The following SPG11 variants were observed in gnomAD, a reference collection of about 807,000 sequenced individuals.
The protein encoded by SPG11 is spatacsin.
In SPG11, 222 loss-of-function variants were observed where a neutral mutation model predicts 274.0. The observed-to-expected ratio is 0.81, with a 90% CI of 0.73 to 0.91. The LOEUF (loss-of-function observed/expected upper bound fraction) is 0.91, where lower values mean the gene tolerates loss of function less well. Among genes scored for constraint, SPG11 ranks in the 40% least tolerant of loss-of-function variants. The pLI is 0.00. For missense variants in SPG11, 3,114 were observed against 2,872.7 expected (o/e 1.08, Z -1.92); for synonymous variants, 1,144 against 1,039.7 (o/e 1.10, Z -1.93).
chr15:44,571,066 T>C (rs1254922862), intron 33 of SPG11, among the ~76,000 whole-genome samples: 3 of 152,204 alleles, frequency 2.0e-5, no homozygotes, highest in African/African-American at 7.2e-5. Flanking sequence ...TTTGGTGTTC[T>C]GGCTTTCTAG....
intron 4 of SPG11, among the ~76,000 whole-genome samples, chr15:44,654,631 T>C (rs1293154522): frequency 6.6e-6 from 1 of 152,032 alleles, no homozygotes; most frequent in Admixed American, 6.6e-5. Context: ...TCTGAGGTCA[T>C]AAGTTCAAAA....
chr15:44,656,253 T>C (rs1463072179), intron 4 of SPG11, among the ~76,000 whole-genome samples: 3 of 152,246 alleles, frequency 2.0e-5, no homozygotes, highest in Non-Finnish European at 2.9e-5. Flanking sequence ...GTACTAAGTG[T>C]GAACCTAGAG....
At chr15:44,655,330 C>T (rs144870287) in intron 4 of SPG11, among the ~76,000 whole-genome samples, 7 of 152,222 alleles carry the variant, frequency 4.6e-5, no homozygotes, top group East Asian at 3.9e-4. Flanking sequence ...CATCATGTTT[C>T]GTGCCATACC....
intron 28 of SPG11, 65 bp downstream of exon 28, chr15:44,589,187 A>T (rs1595850569): frequency 6.4e-7 from 1 of 1,555,284 alleles, no homozygotes; most frequent in Non-Finnish European, 8.8e-7. Context: ...CTACCCCTCT[A>T]AAGTATTTTC....
At chr15:44,639,701 C>CA (rs977830175) in intron 7 of SPG11, among the ~76,000 whole-genome samples, 94 of 142,088 alleles carry the variant, frequency 6.6e-4, no homozygotes, top group Admixed American at 1.1e-3. Flanking sequence ...GACCTGGTCT[C>CA]AAAAAAAAAA....
chr15:44,592,674 G>A (rs1370390351), intron 26 of SPG11, among the ~76,000 whole-genome samples: 1 of 151,912 alleles, frequency 6.6e-6, no homozygotes, highest in Non-Finnish European at 1.5e-5. Context: ...TAAAAAAGTA[G>A]CCAGGCATGG....
rs1313834150 is a variant in SPG11, at chr15:44,608,533, G to C, written c.3364C>G (p.Pro1122Ala). The C allele has an allele frequency of 6.2e-7, 1 of 1,613,986 alleles. No homozygotes were observed. The highest frequency in any genetic ancestry group is 8.5e-7 in the Non-Finnish European group (1 of 1,180,010). The change falls in exon 19 of 40, where the codon CCT becomes GCT. Residue 1122 changes from proline to alanine, a missense_variant. Transcript: ENST00000261866. ...DPQLLKMALT[P>A]YPKLKTALFP... ...AGAGCAGTTTTTAGCTTGGGGTAAGGAGTTAATGCCATCTTCAATAGCTGG... is the reference window on the plus strand; with the variant it reads ...AGAGCAGTTTTTAGCTTGGGGTAAGCAGTTAATGCCATCTTCAATAGCTGG...
chr15:44,567,602 A>G lies in SPG11; in HGVS notation c.6586-10T>C, dbSNP rs749619214. Reference sequence around the variant, plus strand: ...TTTTCAGGGTACCACTCTGCCCAGAATAAAAGGGAAAAAGCAAGGTGTCAG... The same window carrying G: ...TTTTCAGGGTACCACTCTGCCCAGAGTAAAAGGGAAAAAGCAAGGTGTCAG... On this transcript the variant is annotated splice_polypyrimidine_tract_variant and intron_variant, in intron 35 of 39. Coordinates refer to ENST00000261866, the MANE Select transcript of SPG11 (RefSeq NM_025137.4). The G allele has an allele frequency of 6.2e-7, 1 of 1,613,988 alleles. No individual in the cohort carries two copies.
chr15:44,610,657 A>C (rs924460805), intron 18 of SPG11, among the ~76,000 whole-genome samples, 183 bp downstream of exon 18: 1 of 152,094 alleles, frequency 6.6e-6, no homozygotes, highest in Admixed American at 6.6e-5. Flanking sequence ...GGATTACAGG[A>C]GTGAGCCACT....
At chr15:44,656,999 AAC>A in intron 4 of SPG11, 94 bp downstream of exon 4, 1 of 1,045,516 alleles carries the variant, frequency 9.6e-7, no homozygotes, top group Non-Finnish European at 1.4e-6. Context: ...TAGAAAAAGA[AAC>A]ACTAGTTAAA....
chr15:44,626,389 A>G lies in SPG11; in HGVS notation c.2186T>C (p.Val729Ala). 1 of 1,613,712 alleles carries G rather than the reference A, an allele frequency of 6.2e-7. No homozygotes were observed. The highest frequency in any genetic ancestry group is 8.5e-7 in the Non-Finnish European group (1 of 1,179,904). The change falls in exon 11 of 40, where the codon GTC becomes GCC. Residue 729 changes from valine to alanine, a missense_variant. By Grantham distance (64) the Val-to-Ala change is moderately conservative. Coordinates refer to ENST00000261866, the MANE Select transcript of SPG11 (RefSeq NM_025137.4). ...ATTGTTCTTTTTTAAATTGTCAAAGACCAAATTTAGGCCTATGCCAATAAG... is the reference window on the plus strand; with the variant it reads ...ATTGTTCTTTTTTAAATTGTCAAAGGCCAAATTTAGGCCTATGCCAATAAG... ...EELIGIGLNL[V>A]FDNLKKNNIK... is the part of the protein sequence containing the mutation.
At chr15:44,600,667 A>G (rs761098747) in intron 20 of SPG11, 35 bp from the exon 21 acceptor site, 4 of 1,600,478 alleles carry the variant, frequency 2.5e-6, no homozygotes, top group Admixed American at 3.3e-5. Flanking sequence ...AATTATCTGT[A>G]TATCACCATA....
chr15:44,572,630 CTT>C, intron 33 of SPG11, 51 bp downstream of exon 33: 1 of 1,606,250 alleles, frequency 6.2e-7, no homozygotes, highest in Non-Finnish European at 8.5e-7. Flanking sequence ...ACTGGGAGAC[CTT>C]TTGAGACCTG....
At chr15:44,635,355 G>A (rs1177190718) in intron 7 of SPG11, among the ~76,000 whole-genome samples, 4 of 151,772 alleles carry the variant, frequency 2.6e-5, no homozygotes, top group African/African-American at 4.8e-5. Flanking sequence ...CGAGAAGACT[G>A]CTTGAGCCCA....
intron 34 of SPG11, 57 bp downstream of exon 34, chr15:44,570,468 T>C: frequency 6.2e-7 from 1 of 1,611,478 alleles, no homozygotes. Context: ...TCCCACCCTT[T>C]CTACTACTCT....
At position 44,622,322 on chromosome 15, in the gene SPG11, T is replaced by C; in HGVS notation, c.2342A>G (p.Tyr781Cys). ...FLVEILKEKNYFSEKEKRTID... is the reference protein window; with the variant it reads ...FLVEILKEKNCFSEKEKRTID... The stretch of plus-strand genomic sequence containing the variant: ...AGTTCTTTTCTCTTTTTCAGAAAAA[T>C]AATTTTTTTCTTTTAAAATTTCAAC... Residue 781 changes from tyrosine to cysteine, a missense_variant, in exon 13 of 40, where the codon TAT becomes TGT. Tyr to Cys is a radical substitution (Grantham distance 194, BLOSUM62 -2). Transcript: ENST00000261866. 1.3e-6 allele frequency: 2 copies of C among 1,556,696 alleles called. No individual in the cohort carries two copies. Among genetic ancestry groups the C allele is most frequent in the Non-Finnish European group, 1.8e-6 (2 of 1,137,364 alleles).
At chr15:44,607,333 G>A (rs868321577) in intron 19 of SPG11, among the ~76,000 whole-genome samples, 2 of 152,176 alleles carry the variant, frequency 1.3e-5, no homozygotes, top group Non-Finnish European at 2.9e-5. Flanking sequence ...CCAGGCTAGA[G>A]TGCAATGGTG....
intron 7 of SPG11, 137 bp downstream of exon 7, chr15:44,648,729 G>C: frequency 1.0e-6 from 1 of 1,000,076 alleles, no homozygotes; most frequent in Non-Finnish European, 1.6e-6. Flanking sequence ...GAAACAGCCA[G>C]AACTGTTTAA....
In SPG11 at chr15:44,596,295, C is replaced by T. The variant is rs2083036804; in HGVS notation, c.4222G>A (p.Glu1408Lys). The T allele has an allele frequency of 6.2e-7, 1 of 1,614,162 alleles. No individual in the cohort carries two copies. The highest frequency in any genetic ancestry group is 1.3e-5 in the African/African-American group (1 of 75,040). The change falls in exon 25 of 40, where the codon GAG becomes AAG. Residue 1408 changes from glutamate to lysine, a missense_variant. Coordinates refer to ENST00000261866, the MANE Select transcript of SPG11 (RefSeq NM_025137.4). Reference sequence around the variant, plus strand: ...GAGGTGGGCACTGAGGGCAAGTTCTCAAAAGCCAGCCTTAAGTGGTCTTGA... The same window carrying T: ...GAGGTGGGCACTGAGGGCAAGTTCTTAAAAGCCAGCCTTAAGTGGTCTTGA... Reference protein sequence around the residue: ...VIQDHLRLAFENLPSVPTSKM... With the variant: ...VIQDHLRLAFKNLPSVPTSKM...
Sources: gnomAD v4.1 joint callset for allele counts (sites outside exome capture counted in the v4.1 genomes callset) on GRCh38, gnomAD v4.1.1 for gene constraint, MANE v1.5 for transcripts, NCBI Gene and HGNC (gene_info 2026-07-23, HGNC 2026-07-21) for gene names.